COL7A1: variants seen among roughly 807,000 people sequenced by gnomAD.
The protein encoded by COL7A1 is collagen alpha-1(VII) chain.
A neutral mutation model predicts 456.2 loss-of-function variants in COL7A1; 296 were observed. The ratio of observed to expected loss-of-function variants is 0.65; its 90% confidence interval spans 0.59 to 0.71. The LOEUF (loss-of-function observed/expected upper bound fraction) is 0.71. Among genes scored for constraint, COL7A1 ranks in the 30% least tolerant of loss-of-function variants. COL7A1 has a pLI of 0.00. For synonymous variants in COL7A1, 1,464 were observed against 1,525.9 expected (o/e 0.96, Z 0.95); for missense variants, 3,441 against 4,017.2 (o/e 0.86, Z 3.88).
rs1181613276 is a variant in COL7A1 at position 48,591,611 on chromosome 3, T to C, written c.1508-19A>G. 5.6e-6 allele frequency: 9 copies of C among 1,613,388 alleles called. No individual in the cohort carries two copies. The highest frequency in any genetic ancestry group is 1.3e-5 in the African/African-American group (1 of 74,888). The stretch of plus-strand genomic sequence containing the variant: ...TCTGGTCCTGTTGGAGAGCACAGCA[T>C]AGAGGCAGCCTGGGGCTCCGACACC... On this transcript the variant is annotated intron_variant, in intron 12 of 118. Coordinates refer to ENST00000681320, the MANE Select transcript of COL7A1 (RefSeq NM_000094.4). The surrounding 1 kb of genome is among the most constrained non-coding windows in gnomAD (Gnocchi z 7.0).
rs971186960 is a variant in COL7A1 at position 48,579,341 on chromosome 3, G to A, written c.5307+28C>T. The stretch of plus-strand genomic sequence containing the variant: ...GGTGGATCTGATAACCCAGGCTCAT[G>A]TCCTGAGAAACCCCCACACCCTCTC... On this transcript the variant is annotated intron_variant, in intron 61 of 118. Coordinates refer to ENST00000681320, the MANE Select transcript of COL7A1 (RefSeq NM_000094.4). The surrounding 1 kb of genome is among the most constrained non-coding windows in gnomAD (Gnocchi z 4.4). 4.3e-6 allele frequency: 7 copies of A among 1,614,046 alleles called. No homozygotes were observed. The African/African-American group carries it at 6.7e-5, about 15-fold the overall frequency.
At position 48,587,853 on chromosome 3, in the gene COL7A1, TCACGC is replaced by T. The variant is rs1196572061; in HGVS notation, c.2792_2796del (p.Arg931GlnfsTer21). ...CCAGCTGGCCCTAGGACACTCAGCCTCACGCGGTACTGTGTCGCTGGCTCCAGCCC... is the reference window on the plus strand; with the variant it reads ...CCAGCTGGCCCTAGGACACTCAGCCTGGTACTGTGTCGCTGGCTCCAGCCC... On this transcript the variant is annotated frameshift_variant, in exon 22 of 119. Transcript: ENST00000681320. LOFTEE classifies it high-confidence loss of function. This position sits in a 1 kb window ranked among gnomAD's most constrained non-coding sequence, Gnocchi z 6.1. 2.5e-6 allele frequency: 4 copies of T among 1,613,158 alleles called. No individual in the cohort carries two copies. The highest frequency in any genetic ancestry group is 3.4e-6 in the Non-Finnish European group (4 of 1,179,898).
In COL7A1 at chr3:48,574,250, G is replaced by C. The variant is rs773516071; in HGVS notation, c.6501+12C>G. The C allele has an allele frequency of 6.2e-7, 1 of 1,613,840 alleles. No individual in the cohort carries two copies. The highest frequency in any genetic ancestry group is 1.1e-5 in the South Asian group (1 of 91,056). On this transcript the variant is annotated intron_variant, in intron 80 of 118. Coordinates refer to ENST00000681320, the MANE Select transcript of COL7A1 (RefSeq NM_000094.4). This position sits in a 1 kb window ranked among gnomAD's most constrained non-coding sequence, Gnocchi z 5.0. Reference sequence around the variant, plus strand: ...CCGGAGCCTGGGGCCAGGTGCTTCAGCCACCACTCACCGGCTTCCCTTCAG... The same window carrying C: ...CCGGAGCCTGGGGCCAGGTGCTTCACCCACCACTCACCGGCTTCCCTTCAG...
Position 48,592,152 on chromosome 3 carries a change from G to A in COL7A1, c.1190C>T (p.Thr397Ile). The stretch of plus-strand genomic sequence containing the variant: ...GGGCCCCACACTGCGGCCAAATAGG[G>A]TGCTCACGGTCACCTCATAGTCCGT... ...PGTDYEVTVS[T>I]LFGRSVGPAT... Residue 397 changes from threonine to isoleucine, a missense_variant, in exon 10 of 119, where the codon ACC (threonine) becomes ATC (isoleucine). Thr to Ile is a moderately conservative substitution (Grantham distance 89). Coordinates refer to ENST00000681320, the MANE Select transcript of COL7A1 (RefSeq NM_000094.4). This position sits in a 1 kb window ranked among gnomAD's most constrained non-coding sequence, Gnocchi z 7.6. The A allele has an allele frequency of 1.2e-6, 2 of 1,614,124 alleles. No homozygotes were observed. Among genetic ancestry groups the A allele is most frequent in the Non-Finnish European group, 1.7e-6 (2 of 1,180,042 alleles).
Position 48,578,819 on chromosome 3 carries a change from C to A in COL7A1, c.5424+100G>T. The A allele has an allele frequency of 1.5e-6, 2 of 1,298,324 alleles. No individual in the cohort carries two copies. Among genetic ancestry groups the A allele is most frequent in the East Asian group, 2.5e-5 (1 of 40,060 alleles). The allele number at this position is 1,298,324 out of a possible 1,614,324, so 80.4% of individuals were successfully genotyped here. ...GACCCTCCCAAAGGCAAGGCTGAACCGACCCCCCACCAACTCTCTCGGATG... is the reference window on the plus strand; with the variant it reads ...GACCCTCCCAAAGGCAAGGCTGAACAGACCCCCCACCAACTCTCTCGGATG... On this transcript the variant is annotated intron_variant, in intron 63 of 118. Transcript: ENST00000681320. This position sits in a 1 kb window ranked among gnomAD's most constrained non-coding sequence, Gnocchi z 4.7.
In COL7A1 at chr3:48,565,987, G is replaced by C. The variant is rs1330441109; in HGVS notation, c.8407+280C>G. ...CTGATGCCCCTCCCACCGGGTCCAG[G>C]TCAGGCCCAAGGGGACCAGCTCTGC... is the stretch of plus-strand genomic sequence containing the variant. On this transcript the variant is annotated intron_variant, in intron 114 of 118. Coordinates refer to ENST00000681320, the MANE Select transcript of COL7A1 (RefSeq NM_000094.4). The surrounding 1 kb of genome is among the most constrained non-coding windows in gnomAD (Gnocchi z 4.5). Among the ~76,000 whole-genome samples the C allele has an allele frequency of 6.6e-6, 1 of 152,108 alleles. No homozygotes were observed. The highest frequency in any genetic ancestry group is 1.5e-5 in the Non-Finnish European group (1 of 68,006).
chr3:48,594,561 G>A lies in COL7A1; in HGVS notation c.86-13C>T. The A allele has an allele frequency of 6.4e-7, 1 of 1,568,140 alleles. No individual in the cohort carries two copies. The highest frequency in any genetic ancestry group is 2.4e-5 in the East Asian group (1 of 42,222). On this transcript the variant is annotated splice_polypyrimidine_tract_variant and intron_variant, in intron 2 of 118. Coordinates refer to ENST00000681320, the MANE Select transcript of COL7A1 (RefSeq NM_000094.4). The surrounding 1 kb of genome is among the most constrained non-coding windows in gnomAD (Gnocchi z 5.5). ...CGCGTGCAGGTCACTGGGGCGGGCA[G>A]GAGAGATCAGGGCCTCTTCTGGGAG...
rs771506898 is a variant in COL7A1, at chr3:48,585,770, C to T, written c.3787-36G>A. 3 of 1,613,902 alleles carry T rather than the reference C, an allele frequency of 1.9e-6. No homozygotes were observed. Among genetic ancestry groups the T allele is most frequent in the Non-Finnish European group, 2.5e-6 (3 of 1,180,010 alleles). On this transcript the variant is annotated intron_variant, in intron 30 of 118. Transcript: ENST00000681320. The surrounding 1 kb of genome is among the most constrained non-coding windows in gnomAD (Gnocchi z 4.5). ...TAATCAGTGAGACCTGTGCTGCCAA[C>T]CTCTCCTGCCCCACTGACACTCAAC...
In COL7A1 at chr3:48,591,411, T is replaced by G. The variant is rs2045687529; in HGVS notation, c.1636+53A>C. 3.7e-6 allele frequency: 6 copies of G among 1,606,664 alleles called. No individual in the cohort carries two copies. The highest frequency in any genetic ancestry group is 3.3e-5 in the Admixed American group (2 of 59,786). ...AGGGCTGGAGGTACACTCAGACCCC[T>G]CAGGCTGGAACTTCAGTGTGTGTGG... is the stretch of plus-strand genomic sequence containing the variant. On this transcript the variant is annotated intron_variant, in intron 13 of 118. Coordinates refer to ENST00000681320, the MANE Select transcript of COL7A1 (RefSeq NM_000094.4). The surrounding 1 kb of genome is among the most constrained non-coding windows in gnomAD (Gnocchi z 7.0).
chr3:48,586,085 A>G lies in COL7A1; in HGVS notation c.3712T>C (p.Phe1238Leu). ...GLATALCQAS[F>L]TTQPRPEPCP... The stretch of plus-strand genomic sequence containing the variant: ...GGCCTCTTCCAAACCTGAGTAGTGA[A>G]GGATGCCTGACACAGGGCTGTGGCC... The change falls in exon 28 of 119, where the codon TTC becomes CTC. Residue 1238 changes from phenylalanine (F) to leucine (L), a missense_variant. Physicochemically the swap from Phe to Leu is conservative, Grantham distance 22 (BLOSUM62 0). Around this residue, in one of 3 missense-constraint regions of COL7A1, gnomAD observed 2,084 missense variants for 2,501.3 expected, o/e 0.83. Coordinates refer to ENST00000681320, the MANE Select transcript of COL7A1 (RefSeq NM_000094.4). This position sits in a 1 kb window ranked among gnomAD's most constrained non-coding sequence, Gnocchi z 5.1. The G allele has an allele frequency of 6.2e-7, 1 of 1,613,576 alleles. No individual in the cohort carries two copies. Among genetic ancestry groups the G allele is most frequent in the Non-Finnish European group, 8.5e-7 (1 of 1,180,026 alleles).
In COL7A1 at chr3:48,583,565, C is replaced by G; in HGVS notation, c.4392G>C (p.Pro1464=). ...APGLPGQPGS[P]GEQGPRGPPG... is the part of the protein sequence containing the mutation. ...TGGCCCCTCCACTCACCTGCTCACCCGGAGACCCAGGTTGTCCTGGGAGGC... is the reference window on the plus strand; with the variant it reads ...TGGCCCCTCCACTCACCTGCTCACCGGGAGACCCAGGTTGTCCTGGGAGGC... The change falls in exon 41 of 119, where the codon CCG becomes CCC. Residue 1464 remains proline, a synonymous_variant. Transcript: ENST00000681320. This position sits in a 1 kb window ranked among gnomAD's most constrained non-coding sequence, Gnocchi z 5.1. The G allele has an allele frequency of 6.2e-7, 1 of 1,614,036 alleles. No individual in the cohort carries two copies. The highest frequency in any genetic ancestry group is 8.5e-7 in the Non-Finnish European group (1 of 1,180,004).
chr3:48,584,085 T>A, intron 37 of COL7A1, 24 bp from the exon 38 acceptor site: 1 of 1,614,148 alleles, frequency 6.2e-7, no homozygotes, highest in Non-Finnish European at 8.5e-7. Flanking sequence ...GACGACCCCA[T>A]GACCCTGGGC....
chr3:48,579,486 G>A lies in COL7A1; in HGVS notation c.5265C>T (p.Gly1755=). Residue 1755 remains glycine (G), a synonymous_variant, in exon 60 of 119, where the codon GGC becomes GGT. Coordinates refer to ENST00000681320, the MANE Select transcript of COL7A1 (RefSeq NM_000094.4). This position sits in a 1 kb window ranked among gnomAD's most constrained non-coding sequence, Gnocchi z 4.4. ...GGCAAAGTGCATCACTCACCTGTGG[G>A]CCTGGGGGTCCCCGAAACCCTTCAA... is the stretch of plus-strand genomic sequence containing the variant. ...RGIEGFRGPP[G]PQGDPGVRGP... 6.2e-7 allele frequency: 1 copy of A among 1,614,118 alleles called. No homozygotes were observed. Among genetic ancestry groups the A allele is most frequent in the Non-Finnish European group, 8.5e-7 (1 of 1,180,020 alleles).
At position 48,569,269 on chromosome 3, in the gene COL7A1, A is replaced by G. The variant is rs1297531128; in HGVS notation, c.7686+106T>C. Reference sequence around the variant, plus strand: ...TCAGCCACAGAACCCCTTCCCCCTAAACCCCAGAAAGCCTCCTCCTGTCCT... The same window carrying G: ...TCAGCCACAGAACCCCTTCCCCCTAGACCCCAGAAAGCCTCCTCCTGTCCT... On this transcript the variant is annotated intron_variant, in intron 103 of 118. Transcript: ENST00000681320. The surrounding 1 kb of genome is among the most constrained non-coding windows in gnomAD (Gnocchi z 4.9). 1 of 1,391,694 alleles carries G rather than the reference A, an allele frequency of 7.2e-7. No homozygotes were observed. The highest frequency in any genetic ancestry group is 1.4e-5 in the African/African-American group (1 of 70,254). 86.2% of individuals were successfully genotyped at this position (1,391,694 alleles called of 1,614,324 possible).
At chr3:48,595,203 C>T in intron 1 of COL7A1, 43 bp from the exon 2 acceptor site, 2 of 1,512,154 alleles carry the variant, frequency 1.3e-6, no homozygotes, top group Non-Finnish European at 1.8e-6. Context: ...GCCTCTGTCC[C>T]TTGCTCCCCC....
In COL7A1 at chr3:48,578,383, T is replaced by C; in HGVS notation, c.5488-18A>G. On this transcript the variant is annotated intron_variant, in intron 64 of 118. Coordinates refer to ENST00000681320, the MANE Select transcript of COL7A1 (RefSeq NM_000094.4). The surrounding 1 kb of genome is among the most constrained non-coding windows in gnomAD (Gnocchi z 4.7). ...GGCTTTCCCTGTGGGAACAGATCAC[T>C]GGTTGGATGTCGGGGATCGGGTGAG... 1 of 1,613,442 alleles carries C rather than the reference T, an allele frequency of 6.2e-7. No individual in the cohort carries two copies. The highest frequency in any genetic ancestry group is 8.5e-7 in the Non-Finnish European group (1 of 1,179,998).
At position 48,567,815 on chromosome 3, in the gene COL7A1, C is replaced by G. The variant is rs751144324; in HGVS notation, c.7929+23G>C. 59 of 1,614,016 alleles carry G rather than the reference C, an allele frequency of 3.7e-5. No homozygotes were observed. The highest frequency in any genetic ancestry group is 1.6e-4 in the Middle Eastern group (1 of 6,080). Reference sequence around the variant, plus strand: ...CCTTAGGCCCCAGGCCACGTAGCCCCCCAGCCCCCATCCCCTCTGTACCTT... The same window carrying G: ...CCTTAGGCCCCAGGCCACGTAGCCCGCCAGCCCCCATCCCCTCTGTACCTT... On this transcript the variant is annotated intron_variant, in intron 107 of 118. Coordinates refer to ENST00000681320, the MANE Select transcript of COL7A1 (RefSeq NM_000094.4). This position sits in a 1 kb window ranked among gnomAD's most constrained non-coding sequence, Gnocchi z 4.3.
chr3:48,564,306 C>A lies in COL7A1; in HGVS notation c.*100G>T. On this transcript the variant is annotated 3_prime_UTR_variant, in exon 119 of 119. Coordinates refer to ENST00000681320, the MANE Select transcript of COL7A1 (RefSeq NM_000094.4). The surrounding 1 kb of genome is among the most constrained non-coding windows in gnomAD (Gnocchi z 6.0). ...TAACGGACGTGCACACGCACGCTCA[C>A]GTGCACACAAGCCTCTAGCACCAAG... 2 of 1,413,134 alleles carry A rather than the reference C, an allele frequency of 1.4e-6. No individual in the cohort carries two copies. Among genetic ancestry groups the A allele is most frequent in the Non-Finnish European group, 2.0e-6 (2 of 999,974 alleles). The allele number at this position is 1,413,134 out of a possible 1,614,324, so 87.5% of individuals were successfully genotyped here. A position where few individuals can be genotyped will look rare whatever the true frequency, so the allele number is the denominator to read the frequency against.
In COL7A1 at chr3:48,579,947, G is replaced by C; in HGVS notation, c.5124+84C>G. On this transcript the variant is annotated intron_variant, in intron 57 of 118. Coordinates refer to ENST00000681320, the MANE Select transcript of COL7A1 (RefSeq NM_000094.4). This position sits in a 1 kb window ranked among gnomAD's most constrained non-coding sequence, Gnocchi z 4.4. ...GGGACAGTGGGGGAAGTGGGAGTTA[G>C]TGGAAGGAATGAGGGGACATGATGT... 1 of 1,607,240 alleles carries C rather than the reference G, an allele frequency of 6.2e-7. No individual in the cohort carries two copies. Among genetic ancestry groups the C allele is most frequent in the Non-Finnish European group, 8.5e-7 (1 of 1,173,810 alleles).
Sources: gnomAD v4.1 joint callset for allele counts (sites outside exome capture counted in the v4.1 genomes callset) on GRCh38, gnomAD v4.1.1 for gene constraint, gnomAD v4.1.1 regional missense constraint, Gnocchi (gnomAD v3.1) non-coding constraint, MANE v1.5 for transcripts, NCBI Gene and HGNC (gene_info 2026-07-23, HGNC 2026-07-21) for gene names.